ASIC1: variants seen among roughly 807,000 people sequenced by gnomAD.
The protein encoded by ASIC1 is acid-sensing ion channel 1.
In ASIC1, 21 loss-of-function variants were observed where a neutral mutation model predicts 63.4. The observed-to-expected ratio is 0.33, with a 90% CI of 0.23 to 0.48. ASIC1 has a LOEUF of 0.48. ASIC1 is among the 20% of genes least tolerant of loss of function. The pLI is 0.99. For missense variants in ASIC1, 478 were observed against 695.5 expected (o/e 0.69, Z 3.52); for synonymous variants, 258 against 278.2 (o/e 0.93, Z 0.72).
chr12:50,069,798 G>A (rs1950581437), intron 3 of ASIC1, among the ~76,000 whole-genome samples: 1 of 151,920 alleles, frequency 6.6e-6, no homozygotes, highest in Non-Finnish European at 1.5e-5. Context: ...TAAGCTCCAT[G>A]AGGGCAGGTC....
intron 8 of ASIC1, 68 bp downstream of exon 8, chr12:50,080,123 A>G: frequency 7.8e-7 from 1 of 1,283,286 alleles, no homozygotes; most frequent in Non-Finnish European, 1.1e-6. Context: ...GTGGGGTTTG[A>G]TGGGGGCGGG....
At chr12:50,060,854 AATG>A (rs1462772081) in intron 3 of ASIC1, among the ~76,000 whole-genome samples, 1 of 152,214 alleles carries the variant, frequency 6.6e-6, no homozygotes, top group Admixed American at 6.5e-5. Flanking sequence ...ACACCAAATG[AATG>A]GACAATGCTT....
rs1950477167 is a variant in ASIC1 at position 50,059,208 on chromosome 12, C to T, written c.362+80C>T. ...TCAGGATGTCTGCCTCCCTGACCCA[C>T]CATAGAGCCCAGCCAACCCTGCCCT... On this transcript the variant is annotated intron_variant, in intron 2 of 11. Coordinates refer to ENST00000447966, the MANE Select transcript of ASIC1 (RefSeq NM_001095.4). The surrounding 1 kb of genome is among the most constrained non-coding windows in gnomAD (Gnocchi z 4.6). 3 of 1,546,178 alleles carry T rather than the reference C, an allele frequency of 1.9e-6. No homozygotes were observed. Among genetic ancestry groups the T allele is most frequent in the African/African-American group, 2.7e-5 (2 of 74,030 alleles).
At chr12:50,062,234 C>G (rs1941968546) in intron 3 of ASIC1, among the ~76,000 whole-genome samples, 1 of 152,166 alleles carries the variant, frequency 6.6e-6, no homozygotes, top group South Asian at 2.1e-4. Flanking sequence ...GCTCCCCAGT[C>G]CTAAGGGCTC....
chr12:50,078,965 G>A lies in ASIC1; in HGVS notation c.1036G>A (p.Ala346Thr). The part of the protein sequence containing the change: ...YCTPEQYKEC[A>T]DPALDFLVEK... The stretch of plus-strand genomic sequence containing the variant: ...TACTCCAGAGCAGTACAAGGAGTGT[G>A]CAGATCCTGCTCTGGGTGAGCGCCC... The change falls in exon 7 of 12, where the codon GCA becomes ACA. Residue 346 changes from alanine to threonine, a missense_variant. Ala to Thr is a moderately conservative substitution (Grantham distance 58). Coordinates refer to ENST00000447966, the MANE Select transcript of ASIC1 (RefSeq NM_001095.4). This position sits in a 1 kb window ranked among gnomAD's most constrained non-coding sequence, Gnocchi z 6.0. 1.2e-6 allele frequency: 2 copies of A among 1,613,852 alleles called. No individual in the cohort carries two copies. Among genetic ancestry groups the A allele is most frequent in the Non-Finnish European group, 1.7e-6 (2 of 1,179,926 alleles).
At chr12:50,065,763 C>T (rs1950539886) in intron 3 of ASIC1, among the ~76,000 whole-genome samples, 1 of 152,236 alleles carries the variant, frequency 6.6e-6, no homozygotes, top group Non-Finnish European at 1.5e-5. Context: ...TCTGCATGCC[C>T]TCTGTGTGGC....
At chr12:50,062,039 C>A (rs1284199153) in intron 3 of ASIC1, among the ~76,000 whole-genome samples, 1 of 152,098 alleles carries the variant, frequency 6.6e-6, no homozygotes, top group African/African-American at 2.4e-5. Flanking sequence ...AAGACCTGAC[C>A]CTGAATTTTG....
intron 3 of ASIC1, among the ~76,000 whole-genome samples, chr12:50,065,630 G>C (rs1038664207): frequency 1.3e-5 from 2 of 152,200 alleles, no homozygotes; most frequent in Non-Finnish European, 2.9e-5. Context: ...TTCCCTTAAG[G>C]AACTGTAAGG....
At chr12:50,063,036 C>T (rs1303524378) in intron 3 of ASIC1, among the ~76,000 whole-genome samples, 1 of 152,172 alleles carries the variant, frequency 6.6e-6, no homozygotes, top group African/African-American at 2.4e-5. Flanking sequence ...TCAATAGCTG[C>T]CTCCTGAGCA....
Position 50,059,205 on chromosome 12 carries a change from C to G in ASIC1, c.362+77C>G, listed in dbSNP as rs193261624. On this transcript the variant is annotated intron_variant, in intron 2 of 11. Transcript: ENST00000447966. This position sits in a 1 kb window ranked among gnomAD's most constrained non-coding sequence, Gnocchi z 4.6. ...CAGTCAGGATGTCTGCCTCCCTGACCCACCATAGAGCCCAGCCAACCCTGC... is the reference window on the plus strand; with the variant it reads ...CAGTCAGGATGTCTGCCTCCCTGACGCACCATAGAGCCCAGCCAACCCTGC... The G allele has an allele frequency of 2.0e-5, 31 of 1,554,990 alleles. No homozygotes were observed. Among genetic ancestry groups the G allele is most frequent in the African/African-American group, 5.4e-5 (4 of 74,364 alleles).
chr12:50,059,941 A>C lies in ASIC1; in HGVS notation c.545A>C (p.Glu182Ala), dbSNP rs751722467. Residue 182 changes from glutamate to alanine, a missense_variant, in exon 3 of 12, where the codon GAA becomes GCA. This residue lies in a region of ASIC1 where 290 missense variants were observed against 414.9 expected (regional missense o/e 0.70). Coordinates refer to ENST00000447966, the MANE Select transcript of ASIC1 (RefSeq NM_001095.4). The surrounding 1 kb of genome is among the most constrained non-coding windows in gnomAD (Gnocchi z 4.6). ...CHFRGEVCSA[E>A]DFKVVFTRYG... Reference sequence around the variant, plus strand: ...TTCCGGGGGGAGGTCTGCAGCGCTGAAGACTTCAAGGTGGTGAGTCCCCTC... The same window carrying C: ...TTCCGGGGGGAGGTCTGCAGCGCTGCAGACTTCAAGGTGGTGAGTCCCCTC... 6 of 1,613,848 alleles carry C rather than the reference A, an allele frequency of 3.7e-6. No homozygotes were observed. In the African/African-American group the frequency reaches 6.7e-5, roughly 18 times the overall value.
chr12:50,081,051 G>A (rs1376232530), intron 9 of ASIC1, 51 bp from the exon 10 acceptor site: 2 of 1,493,850 alleles, frequency 1.3e-6, no homozygotes, highest in African/African-American at 1.4e-5. Context: ...AAACCCTGCT[G>A]CCCCCACGAT....
rs371086066 is a variant in ASIC1 at position 50,073,971 on chromosome 12, G to A, written c.559-3242G>A. The A allele has an allele frequency of 1.1e-5, 17 of 1,535,836 alleles. No homozygotes were observed. The African/African-American group carries it at 1.5e-4, about 14-fold the overall frequency. On this transcript the variant is annotated intron_variant, in intron 3 of 11. Transcript: ENST00000447966. Reference sequence around the variant, plus strand: ...CCCTTCTAAACGAAGTGGCCACCACGGAGCTGGCCTTCCCGGCAGTCACCC... The same window carrying A: ...CCCTTCTAAACGAAGTGGCCACCACAGAGCTGGCCTTCCCGGCAGTCACCC...
Position 50,059,920 on chromosome 12 carries a change from G to T in ASIC1, c.524G>T (p.Arg175Leu), listed in dbSNP as rs760554956. The change falls in exon 3 of 12, where the codon CGG (arginine) becomes CTG (leucine). Residue 175 changes from arginine (R) to leucine (L), a missense_variant. This residue lies in a region of ASIC1 where 290 missense variants were observed against 414.9 expected (regional missense o/e 0.70). Transcript: ENST00000447966. The surrounding 1 kb of genome is among the most constrained non-coding windows in gnomAD (Gnocchi z 4.6). The stretch of plus-strand genomic sequence containing the variant: ...GACATGCTGCTCTCCTGCCACTTCC[G>T]GGGGGAGGTCTGCAGCGCTGAAGAC... Reference protein sequence around the residue: ...IRDMLLSCHFRGEVCSAEDFK... With the variant: ...IRDMLLSCHFLGEVCSAEDFK... 5.0e-6 allele frequency: 8 copies of T among 1,613,780 alleles called. No homozygotes were observed. The highest frequency in any genetic ancestry group is 5.1e-6 in the Non-Finnish European group (6 of 1,179,954).
intron 3 of ASIC1, among the ~76,000 whole-genome samples, chr12:50,062,980 A>C (rs1950514162): frequency 6.6e-6 from 1 of 152,176 alleles, no homozygotes; most frequent in Non-Finnish European, 1.5e-5. Context: ...AAGAGGGAGA[A>C]GGGCAGGGCA....
At position 50,078,762 on chromosome 12, in the gene ASIC1, A is replaced by C. The variant is rs1471664259; in HGVS notation, c.995-162A>C. ...CCAGGGATGGGTGGGAAGGGTCTAG[A>C]AGGTATGGACCTGGAGTGGGTCACT... On this transcript the variant is annotated intron_variant, in intron 6 of 11. Transcript: ENST00000447966. This position sits in a 1 kb window ranked among gnomAD's most constrained non-coding sequence, Gnocchi z 6.0. 7.6e-6 allele frequency: 10 copies of C among 1,316,734 alleles called. No homozygotes were observed. The highest frequency in any genetic ancestry group is 1.1e-5 in the Non-Finnish European group (10 of 921,808). 81.6% of individuals were successfully genotyped at this position (1,316,734 alleles called of 1,614,324 possible). A position where few individuals can be genotyped will look rare whatever the true frequency, so the allele number is the denominator to read the frequency against.
chr12:50,080,087 T>C (rs772479348), intron 8 of ASIC1, 32 bp downstream of exon 8: 10 of 1,585,810 alleles, frequency 6.3e-6, no homozygotes, highest in Non-Finnish European at 7.7e-6. Context: ...AGCAAGGCCC[T>C]TGGGTTGGGA....
At chr12:50,058,692 G>T in intron 1 of ASIC1, 59 bp from the exon 2 acceptor site, 1 of 1,515,118 alleles carries the variant, frequency 6.6e-7, no homozygotes, top group East Asian at 2.3e-5. Flanking sequence ...CATGTGGAGG[G>T]GCTCCATGTG....
In ASIC1 at chr12:50,078,188, T is replaced by G; in HGVS notation, c.837+61T>G. 1 of 1,572,964 alleles carries G rather than the reference T, an allele frequency of 6.4e-7. No individual in the cohort carries two copies. The highest frequency in any genetic ancestry group is 8.6e-7 in the Non-Finnish European group (1 of 1,161,934). On this transcript the variant is annotated intron_variant, in intron 5 of 11. Coordinates refer to ENST00000447966, the MANE Select transcript of ASIC1 (RefSeq NM_001095.4). This position sits in a 1 kb window ranked among gnomAD's most constrained non-coding sequence, Gnocchi z 6.0. ...GTATTGAGGGGTCCAGATGGAGTGG[T>G]GGGCAATCAGTAATGGGAAGGACAG...
Sources: allele counts gnomAD v4.1 joint callset (sites outside exome capture counted in the v4.1 genomes callset), GRCh38; gene constraint gnomAD v4.1.1; regional missense constraint gnomAD v4.1.1; non-coding constraint Gnocchi (gnomAD v3.1); transcripts MANE v1.5; gene names NCBI Gene and HGNC (gene_info 2026-07-23, HGNC 2026-07-21).